The following MYH9 variants were observed in gnomAD, a reference collection of about 807,000 sequenced individuals.
MYH9 encodes myosin-9.
A neutral mutation model predicts 241.9 loss-of-function variants in MYH9; 29 were observed. That is an observed-to-expected ratio of 0.12 (90% CI 0.09 to 0.16). The LOEUF is 0.16. Among genes scored for constraint, MYH9 ranks in the 10% least tolerant of loss-of-function variants. The pLI, the probability that MYH9 is intolerant of heterozygous loss-of-function variation, is 1.00. For synonymous variants in MYH9, 1,047 were observed against 1,062.6 expected (o/e 0.99, Z 0.29); for missense variants, 1,803 against 2,595.5 (o/e 0.69, Z 6.63).
At chr22:36,348,152 TA>T (rs568506807) in intron 2 of MYH9, among the ~76,000 whole-genome samples, 131 of 149,186 alleles carry the variant, frequency 8.8e-4, no homozygotes, top group South Asian at 2.5e-3. Flanking sequence ...TTTTTAAAGA[TA>T]TTTAAAAAAT....
intron 1 of MYH9, among the ~76,000 whole-genome samples, chr22:36,378,728 AAAC>A (rs1179868002): frequency 1.3e-5 from 2 of 152,142 alleles, no homozygotes; most frequent in Non-Finnish European, 2.9e-5. Context: ...CCCCAACAAA[AAAC>A]AACAAAAAAG....
chr22:36,383,571 G>A (rs1434232942), intron 1 of MYH9, among the ~76,000 whole-genome samples: 2 of 151,156 alleles, frequency 1.3e-5, no homozygotes, highest in African/African-American at 2.4e-5. Flanking sequence ...CACCGAGCTA[G>A]AAGCCAGGAA....
At chr22:36,299,727 T>A (rs1270113108) in intron 23 of MYH9, among the ~76,000 whole-genome samples, 2 of 152,062 alleles carry the variant, frequency 1.3e-5, no homozygotes, top group Non-Finnish European at 2.9e-5. Flanking sequence ...CCCAACTCAT[T>A]CTCAAGAGGA....
At chr22:36,287,587 C>CA (rs2016608095) in intron 34 of MYH9, among the ~76,000 whole-genome samples, 1 of 152,054 alleles carries the variant, frequency 6.6e-6, no homozygotes, top group African/African-American at 2.4e-5. Flanking sequence ...ACTAAAAATA[C>CA]AAAAATTAGC....
intron 1 of MYH9, among the ~76,000 whole-genome samples, chr22:36,378,503 T>C (rs2018206581): frequency 6.6e-6 from 1 of 152,146 alleles, no homozygotes; most frequent in African/African-American, 2.4e-5. Flanking sequence ...ACCGGAGACA[T>C]TAAGTGACCT....
At chr22:36,312,326 A>T in intron 13 of MYH9, 104 bp from the exon 14 acceptor site, 4 of 1,173,630 alleles carry the variant, frequency 3.4e-6, no homozygotes, top group Non-Finnish European at 4.9e-6. Context: ...AATCCCACAG[A>T]CGGTGGGCGA....
At chr22:36,353,728 TC>T (rs1420743245) in intron 1 of MYH9, among the ~76,000 whole-genome samples, 1 of 151,108 alleles carries the variant, frequency 6.6e-6, no homozygotes, top group East Asian at 1.9e-4. Context: ...ATTCCTGAAC[TC>T]CCCCCACCGC....
chr22:36,302,455 C>T, intron 20 of MYH9, 113 bp downstream of exon 20: 1 of 937,052 alleles, frequency 1.1e-6, no homozygotes, highest in Non-Finnish European at 1.7e-6. Flanking sequence ...TGTGACCAAC[C>T]TGGGCGACAT....
rs1416653539 is a variant in MYH9, at chr22:36,329,600, A to G, written c.491-2112T>C. On this transcript the variant is annotated intron_variant, in intron 3 of 40. Coordinates refer to ENST00000216181, the MANE Select transcript of MYH9 (RefSeq NM_002473.6). This position sits in a 1 kb window ranked among gnomAD's most constrained non-coding sequence, Gnocchi z 4.1. The stretch of plus-strand genomic sequence containing the variant: ...GCAAGTCGTGAGCAGCCAACGGCCC[A>G]ATGCTACCATAAAAGGAAACATTCC... 6.6e-6 allele frequency among the ~76,000 whole-genome samples: 1 copy of G among 152,192 alleles called. No homozygotes were observed. Among genetic ancestry groups the G allele is most frequent in the Non-Finnish European group, 1.5e-5 (1 of 68,022 alleles).
intron 11 of MYH9, among the ~76,000 whole-genome samples, chr22:36,317,856 CAGA>C (rs2017183695): frequency 1.3e-5 from 2 of 152,266 alleles, no homozygotes; most frequent in Non-Finnish European, 2.9e-5. Context: ...ACCCTGGCAC[CAGA>C]AGGAGTTCAG....
chr22:36,302,822 G>A (rs1245046693), intron 19 of MYH9, 146 bp from the exon 20 acceptor site: 3 of 699,906 alleles, frequency 4.3e-6, no homozygotes, highest in African/African-American at 3.5e-5. Flanking sequence ...TCTGGCCTTG[G>A]GGTTGAGATA....
intron 13 of MYH9, among the ~76,000 whole-genome samples, chr22:36,312,591 T>C (rs2017082820): frequency 1.3e-5 from 2 of 152,118 alleles, no homozygotes; most frequent in African/African-American, 2.4e-5. Flanking sequence ...CCACGGGAGA[T>C]GCCAACCCAC....
intron 3 of MYH9, among the ~76,000 whole-genome samples, chr22:36,337,324 A>G (rs2017514925): frequency 6.6e-6 from 1 of 152,206 alleles, no homozygotes; most frequent in African/African-American, 2.4e-5. Context: ...CCAGCCTCAA[A>G]TATCACTAGT....
intron 3 of MYH9, among the ~76,000 whole-genome samples, chr22:36,335,373 C>G (rs1470940891): frequency 6.6e-6 from 1 of 152,242 alleles, no homozygotes; most frequent in Non-Finnish European, 1.5e-5. Flanking sequence ...TCCCAACCTC[C>G]CCAGCAGACA....
chr22:36,387,636 C>G (rs1242019867), intron 1 of MYH9, among the ~76,000 whole-genome samples, 171 bp downstream of exon 1: 1 of 151,508 alleles, frequency 6.6e-6, no homozygotes, highest in African/African-American at 2.4e-5. Context: ...TCCCGGTCCC[C>G]CTGGGAAGGA....
At chr22:36,353,746 C>A (rs894586175) in intron 1 of MYH9, among the ~76,000 whole-genome samples, 1 of 142,584 alleles carries the variant, frequency 7.0e-6, no homozygotes, top group Non-Finnish European at 1.6e-5. Context: ...CCGCCTCTCC[C>A]CGCCTTGCAA....
chr22:36,347,491 G>C (rs758648162), intron 2 of MYH9, among the ~76,000 whole-genome samples: 7 of 151,844 alleles, frequency 4.6e-5, no homozygotes, highest in Non-Finnish European at 7.4e-5. Flanking sequence ...CCAGCACTTT[G>C]GGAGGCCCAA....
At position 36,285,103 on chromosome 22, in the gene MYH9, G is replaced by A. The variant is rs376924627; in HGVS notation, c.5483+18C>T. On this transcript the variant is annotated intron_variant, in intron 38 of 40. Coordinates refer to ENST00000216181, the MANE Select transcript of MYH9 (RefSeq NM_002473.6). This position sits in a 1 kb window ranked among gnomAD's most constrained non-coding sequence, Gnocchi z 7.0. ...TTTTCCAGGACAGCTGGGGTTGGGCGGGGCCAGGGGCACGTACTTGGTCTC... is the reference window on the plus strand; with the variant it reads ...TTTTCCAGGACAGCTGGGGTTGGGCAGGGCCAGGGGCACGTACTTGGTCTC... 4.5e-5 allele frequency: 72 copies of A among 1,612,134 alleles called. 1 individual carries two copies. In the African/African-American group the frequency reaches 4.5e-4, roughly 10 times the overall value.
At chr22:36,286,239 CAG>C (rs2016578262) in intron 35 of MYH9, among the ~76,000 whole-genome samples, 1 of 152,228 alleles carries the variant, frequency 6.6e-6, no homozygotes, top group South Asian at 2.1e-4. Context: ...ACCACGTGGA[CAG>C]AGTCACTCAG....
Sources: allele counts gnomAD v4.1 joint callset (sites outside exome capture counted in the v4.1 genomes callset), GRCh38; gene constraint gnomAD v4.1.1; non-coding constraint Gnocchi (gnomAD v3.1); transcripts MANE v1.5; gene names NCBI Gene and HGNC (gene_info 2026-07-23, HGNC 2026-07-21).